The following CEMIP variants were observed in gnomAD, a reference collection of about 807,000 sequenced individuals.
CEMIP encodes cell migration-inducing and hyaluronan-binding protein.
CEMIP carries 105 observed loss-of-function variants against 156.9 expected under a neutral mutation model. That is an observed-to-expected ratio of 0.67 (90% confidence interval 0.57 to 0.79). The LOEUF (loss-of-function observed/expected upper bound fraction) is 0.79. CEMIP is among the 30% of genes least tolerant of loss of function. The pLI is 0.00. For missense variants in CEMIP, 1,457 were observed against 1,769.4 expected (o/e 0.82, Z 3.17); for synonymous variants, 676 against 668.4 (o/e 1.01, Z -0.17).
intron 1 of CEMIP, among the ~76,000 whole-genome samples, chr15:80,833,698 T>C (rs1002281074): frequency 6.8e-6 from 1 of 146,350 alleles, no homozygotes; most frequent in African/African-American, 2.5e-5. Context: ...GGACAGAGTC[T>C]CACTCTGTCA....
At chr15:80,943,166 C>T in intron 28 of CEMIP, 64 bp downstream of exon 28, 4 of 1,561,052 alleles carry the variant, frequency 2.6e-6, no homozygotes, top group Non-Finnish European at 3.5e-6. Flanking sequence ...GCAAGGGCCC[C>T]CTCCCTCTCA....
chr15:80,786,426 G>A (rs1383657056), intron 1 of CEMIP, among the ~76,000 whole-genome samples: 1 of 151,970 alleles, frequency 6.6e-6, no homozygotes, highest in Non-Finnish European at 1.5e-5. Flanking sequence ...GAGTTTCATC[G>A]TGTTGCTCAG....
intron 26 of CEMIP, 56 bp from the exon 27 acceptor site, chr15:80,942,195 G>A: frequency 6.6e-7 from 1 of 1,518,970 alleles, no homozygotes; most frequent in Non-Finnish European, 9.1e-7. Flanking sequence ...TACGGGAAGA[G>A]GAGGGGAATG....
In CEMIP at chr15:80,922,138, G is replaced by T; in HGVS notation, c.2202+1G>T. ...CAACCGAGCACATTCCAACTACCGG[G>T]TAAGTCTTTCCAGGCTGCGCCTCTC... On this transcript the variant is annotated splice_donor_variant, in intron 17 of 29. Coordinates refer to ENST00000394685, the MANE Select transcript of CEMIP (RefSeq NM_001293298.2). LOFTEE classifies it high-confidence loss of function. The T allele has an allele frequency of 6.2e-7, 1 of 1,614,182 alleles. No homozygotes were observed. The highest frequency in any genetic ancestry group is 8.5e-7 in the Non-Finnish European group (1 of 1,179,998).
chr15:80,827,239 G>A (rs1367638648), intron 1 of CEMIP, among the ~76,000 whole-genome samples: 1 of 152,232 alleles, frequency 6.6e-6, no homozygotes, highest in East Asian at 1.9e-4. Context: ...GGGAGAGAAA[G>A]AGAGAAAATA....
At chr15:80,873,816 TC>T in intron 2 of CEMIP, 47 bp from the exon 3 acceptor site, 1 of 1,394,152 alleles carries the variant, frequency 7.2e-7, no homozygotes. Flanking sequence ...GTATACTGAT[TC>T]CAGCCTGCCA....
intron 21 of CEMIP, among the ~76,000 whole-genome samples, chr15:80,930,711 T>C (rs1040703398): frequency 3.9e-4 from 59 of 152,200 alleles, no homozygotes; most frequent in African/African-American, 1.3e-3. Flanking sequence ...CTGCTGTGCC[T>C]AGGGTCTTCC....
At chr15:80,904,303 A>G (rs1276942388) in intron 12 of CEMIP, among the ~76,000 whole-genome samples, 1 of 152,100 alleles carries the variant, frequency 6.6e-6, no homozygotes, top group African/African-American at 2.4e-5. Context: ...AGGCAGGAGG[A>G]TTTTTTGAGC....
Position 80,884,324 on chromosome 15 carries a change from G to T in CEMIP, c.767G>T (p.Gly256Val). 6.2e-7 allele frequency: 1 copy of T among 1,614,220 alleles called. No individual in the cohort carries two copies. Among genetic ancestry groups the T allele is most frequent in the Non-Finnish European group, 8.5e-7 (1 of 1,180,042 alleles). The stretch of plus-strand genomic sequence containing the variant: ...GCCAGGAAGGCGATGACCAAATTGG[G>T]AAGCAAACACTTCCTGCACCTTGGA... ...DMARKAMTKL[G>V]SKHFLHLGFR... The change falls in exon 7 of 30, where the codon GGA (glycine) becomes GTA (valine). Residue 256 changes from glycine (G) to valine (V), a missense_variant. Physicochemically the swap from Gly to Val is moderately radical, Grantham distance 109. Transcript: ENST00000394685.
intron 1 of CEMIP, among the ~76,000 whole-genome samples, chr15:80,827,322 T>C (rs779060254): frequency 2.6e-5 from 4 of 152,196 alleles, no homozygotes; most frequent in Non-Finnish European, 5.9e-5. Context: ...AAAGAGATAC[T>C]GCAGTATAGC....
At chr15:80,936,613 C>A in intron 23 of CEMIP, 61 bp from the exon 24 acceptor site, 2 of 1,422,678 alleles carry the variant, frequency 1.4e-6, no homozygotes, top group Non-Finnish European at 2.0e-6. Context: ...GTTAGCCAGA[C>A]GCTCTTGGAA....
At chr15:80,856,061 A>G (rs1169701340) in intron 1 of CEMIP, among the ~76,000 whole-genome samples, 1 of 152,246 alleles carries the variant, frequency 6.6e-6, no homozygotes, top group East Asian at 1.9e-4. Context: ...TAGCAGAGGC[A>G]AAGTGAATCT....
At chr15:80,803,949 T>G (rs142832573) in intron 1 of CEMIP, among the ~76,000 whole-genome samples, 1 of 152,348 alleles carries the variant, frequency 6.6e-6, no homozygotes, top group African/African-American at 2.4e-5. Context: ...AGAGATTTAA[T>G]GGACTCACAG....
intron 1 of CEMIP, among the ~76,000 whole-genome samples, chr15:80,858,465 G>T (rs1463989104): frequency 6.6e-6 from 1 of 151,950 alleles, no homozygotes. Context: ...TGTAATCCCA[G>T]CACTTTGGGA....
rs1898383789 is a variant in CEMIP, at chr15:80,873,975, T to G, written c.94+2T>G. 6.4e-7 allele frequency: 1 copy of G among 1,565,682 alleles called. No homozygotes were observed. The highest frequency in any genetic ancestry group is 8.7e-7 in the Non-Finnish European group (1 of 1,152,876). On this transcript the variant is annotated splice_donor_variant, in intron 3 of 29. Coordinates refer to ENST00000394685, the MANE Select transcript of CEMIP (RefSeq NM_001293298.2). LOFTEE classifies it high-confidence loss of function. ...GCTTCCCTGGGGCCACATCCACAGGTGAGCACTGCAAACAGATGGACCTCT... is the reference window on the plus strand; with the variant it reads ...GCTTCCCTGGGGCCACATCCACAGGGGAGCACTGCAAACAGATGGACCTCT...
intron 1 of CEMIP, among the ~76,000 whole-genome samples, chr15:80,809,972 C>G (rs1194825401): frequency 6.6e-6 from 1 of 152,188 alleles, no homozygotes; most frequent in Non-Finnish European, 1.5e-5. Context: ...TGAATAATAT[C>G]CGTATCTTAA....
intron 1 of CEMIP, among the ~76,000 whole-genome samples, chr15:80,843,318 A>C (rs973981354): frequency 6.6e-6 from 1 of 152,176 alleles, no homozygotes; most frequent in African/African-American, 2.4e-5. Context: ...TCATGTATTT[A>C]TTCAATTAAC....
At chr15:80,820,857 T>C (rs1017815200) in intron 1 of CEMIP, among the ~76,000 whole-genome samples, 4 of 152,244 alleles carry the variant, frequency 2.6e-5, no homozygotes, top group Admixed American at 2.0e-4. Flanking sequence ...GGACAATTTC[T>C]GGTATTTAAT....
At chr15:80,869,876 G>A (rs1321098939) in intron 1 of CEMIP, among the ~76,000 whole-genome samples, 1 of 152,124 alleles carries the variant, frequency 6.6e-6, no homozygotes, top group Admixed American at 6.5e-5. Context: ...GCTGCCAGAG[G>A]TCACACAGCT....
Sources: gnomAD v4.1 joint callset for allele counts (sites outside exome capture counted in the v4.1 genomes callset) on GRCh38, gnomAD v4.1.1 for gene constraint, MANE v1.5 for transcripts, NCBI Gene and HGNC (gene_info 2026-07-23, HGNC 2026-07-21) for gene names.